The following PKNOX2 variants were observed in gnomAD, a reference collection of about 807,000 sequenced individuals.
PKNOX2 encodes the protein PBX/knotted 1 homeobox 2.
In PKNOX2, 14 loss-of-function variants were observed where a neutral mutation model predicts 53.1. That is an observed-to-expected ratio of 0.26 (90% confidence interval 0.17 to 0.41). The LOEUF (loss-of-function observed/expected upper bound fraction) is 0.41. Ranked by LOEUF, PKNOX2 falls within the 10% of genes least tolerant of loss-of-function variation. PKNOX2 has a pLI of 1.00. For synonymous variants in PKNOX2, 257 were observed against 242.8 expected (o/e 1.06, Z -0.54); for missense variants, 496 against 602.8 (o/e 0.82, Z 1.85).
At chr11:125,309,136 T>C (rs1591522014) in intron 2 of PKNOX2, among the ~76,000 whole-genome samples, 1 of 148,816 alleles carries the variant, frequency 6.7e-6, no homozygotes. Context: ...TCTTCCTTTC[T>C]TTCTTTCTTT....
chr11:125,217,690 G>A (rs2135481394), intron 1 of PKNOX2, among the ~76,000 whole-genome samples: 1 of 152,280 alleles, frequency 6.6e-6, no homozygotes, highest in East Asian at 1.9e-4. Flanking sequence ...CTAGGGAAGT[G>A]TTTGGGGTCT....
chr11:125,416,302 C>CAAAA (rs61354494), intron 10 of PKNOX2, among the ~76,000 whole-genome samples: 462 of 68,990 alleles, frequency 6.7e-3, no homozygotes, highest in Non-Finnish European at 8.0e-3. Flanking sequence ...GACGCCGTCT[C>CAAAA]AAAAAAAAAA....
At chr11:125,374,366 T>A (rs1240388784) in intron 5 of PKNOX2, among the ~76,000 whole-genome samples, 1 of 152,120 alleles carries the variant, frequency 6.6e-6, no homozygotes, top group African/African-American at 2.4e-5. Flanking sequence ...GGATGGGGGT[T>A]CTTCTGGTGG....
chr11:125,242,471 C>T (rs1182661205), intron 2 of PKNOX2, among the ~76,000 whole-genome samples: 1 of 152,176 alleles, frequency 6.6e-6, no homozygotes, highest in Non-Finnish European at 1.5e-5. Context: ...CATGTACCTG[C>T]CTGTGTGTGT....
At chr11:125,309,225 T>TCTTC (rs1334084760) in intron 2 of PKNOX2, among the ~76,000 whole-genome samples, 2 of 149,440 alleles carry the variant, frequency 1.3e-5, no homozygotes, top group Non-Finnish European at 3.0e-5. Context: ...TCTCTCTCTT[T>TCTTC]CTTCCTTCCT....
At chr11:125,320,467 G>T (rs1949457847) in intron 2 of PKNOX2, among the ~76,000 whole-genome samples, 1 of 152,086 alleles carries the variant, frequency 6.6e-6, no homozygotes, top group Non-Finnish European at 1.5e-5. Context: ...GGGCAGCAGA[G>T]GAGCCAGAGA....
At chr11:125,343,790 G>A (rs955664806) in intron 3 of PKNOX2, among the ~76,000 whole-genome samples, 8 of 152,200 alleles carry the variant, frequency 5.3e-5, no homozygotes, top group African/African-American at 1.2e-4. Context: ...CGAAGAGGGC[G>A]CGGGAGCAGG....
chr11:125,339,366 T>A (rs1950569709), intron 3 of PKNOX2, among the ~76,000 whole-genome samples: 1 of 152,134 alleles, frequency 6.6e-6, no homozygotes, highest in African/African-American at 2.4e-5. Context: ...CAGGGAGATA[T>A]GACAAGAGAG....
At chr11:125,181,412 G>A (rs1956151106) in intron 1 of PKNOX2, among the ~76,000 whole-genome samples, 1 of 152,238 alleles carries the variant, frequency 6.6e-6, no homozygotes, top group African/African-American at 2.4e-5. Context: ...GCTGCCTGAA[G>A]GAAGCAGAAT....
At chr11:125,430,314 A>G (rs929469663) in intron 12 of PKNOX2, among the ~76,000 whole-genome samples, 173 bp downstream of exon 12, 1 of 152,226 alleles carries the variant, frequency 6.6e-6, no homozygotes. Flanking sequence ...GTTTTTGTAC[A>G]TAATTTAACA....
intron 5 of PKNOX2, among the ~76,000 whole-genome samples, chr11:125,379,125 A>T (rs1479186843): frequency 6.8e-6 from 1 of 147,230 alleles, no homozygotes; most frequent in Non-Finnish European, 1.5e-5. Context: ...CAGTGGCGAG[A>T]TGTCGGCTCA....
At chr11:125,277,306 G>T (rs1946236589) in intron 2 of PKNOX2, among the ~76,000 whole-genome samples, 1 of 152,224 alleles carries the variant, frequency 6.6e-6, no homozygotes, top group Non-Finnish European at 1.5e-5. Flanking sequence ...AGAGGCCAGA[G>T]TATCAGACAG....
chr11:125,216,191 T>A (rs746408872), intron 1 of PKNOX2, among the ~76,000 whole-genome samples: 23 of 152,094 alleles, frequency 1.5e-4, no homozygotes, highest in Non-Finnish European at 2.1e-4. Context: ...AAGGAGAAAA[T>A]CCTTAGCTAC....
intron 6 of PKNOX2, among the ~76,000 whole-genome samples, chr11:125,386,713 A>AACAC (rs3138544): frequency 0.056 from 7,848 of 141,062 alleles, 285 homozygotes; most frequent in African/African-American, 0.086. Context: ...GAAGAAAAAG[A>AACAC]ACACACACAC....
chr11:125,247,295 G>T (rs1015339431), intron 2 of PKNOX2, among the ~76,000 whole-genome samples: 7 of 152,182 alleles, frequency 4.6e-5, no homozygotes, highest in African/African-American at 1.7e-4. Context: ...TTCCTGATGA[G>T]GAGTGCCTCT....
intron 2 of PKNOX2, among the ~76,000 whole-genome samples, chr11:125,253,877 G>A (rs1226779316): frequency 1.3e-5 from 2 of 152,094 alleles, no homozygotes; most frequent in Non-Finnish European, 2.9e-5. Flanking sequence ...TCTTCCCAGG[G>A]ACCCACTTGG....
chr11:125,342,832 A>T (rs1950768634), intron 3 of PKNOX2, among the ~76,000 whole-genome samples: 1 of 151,290 alleles, frequency 6.6e-6, no homozygotes, highest in South Asian at 2.1e-4. Context: ...ACCACCGTGG[A>T]GGAGCTGGAG....
chr11:125,403,273 T>C (rs1403859016), intron 7 of PKNOX2, among the ~76,000 whole-genome samples: 1 of 152,144 alleles, frequency 6.6e-6, no homozygotes, highest in African/African-American at 2.4e-5. Flanking sequence ...GTGGGAGTTC[T>C]GTTTTGGGGC....
intron 3 of PKNOX2, among the ~76,000 whole-genome samples, chr11:125,332,993 G>A (rs775727401): frequency 2.0e-5 from 3 of 152,286 alleles, no homozygotes; most frequent in Non-Finnish European, 4.4e-5. Context: ...GGCTCCTCGC[G>A]GTGGAAGCTG....
Sources: gnomAD v4.1 joint callset for allele counts (sites outside exome capture counted in the v4.1 genomes callset) on GRCh38, gnomAD v4.1.1 for gene constraint, MANE v1.5 for transcripts, NCBI Gene and HGNC (gene_info 2026-07-23, HGNC 2026-07-21) for gene names.